IL4I1: variants seen among roughly 807,000 people sequenced by gnomAD.
IL4I1 encodes the protein L-amino-acid oxidase.
A neutral mutation model predicts 29.7 loss-of-function variants in IL4I1; 24 were observed. That is an observed-to-expected ratio of 0.81 (90% CI 0.59 to 1.14). The LOEUF (loss-of-function observed/expected upper bound fraction) is 1.14. IL4I1 is among the 50% of genes most tolerant of loss of function. The probability of loss-of-function intolerance (pLI) is 0.00; values close to 1 mark genes in which losing one functional copy is unlikely to be tolerated. For synonymous variants in IL4I1, 371 were observed against 352.5 expected (o/e 1.05, Z -0.59); for missense variants, 686 against 785.6 (o/e 0.87, Z 1.52).
At chr19:49,899,167 T>C (rs543461495), upstream of IL4I1, among the ~76,000 whole-genome samples, 1 of 152,292 alleles carries the variant, frequency 6.6e-6, no homozygotes, top group Non-Finnish European at 1.5e-5. Context: ...GCCCAATAGC[T>C]TGTTCAGTCC....
rs528795017 is a variant in IL4I1 at position 49,895,151 on chromosome 19, G to T, written c.282C>A (p.Ile94=). 3.1e-6 allele frequency: 5 copies of T among 1,613,812 alleles called. No individual in the cohort carries two copies. In the Admixed American group the frequency reaches 6.7e-5, roughly 22 times the overall value. ...CCCGGTAGGTGAAGATGCGGCCCCC[G>T]ATCCTGTTATCTGCCTCCAGGATGG... ...KVTILEADNR[I]GGRIFTYRDQ... The change falls in exon 4 of 8, where the codon ATC becomes ATA. Residue 94 remains isoleucine, a synonymous_variant. Transcript: ENST00000391826.
chr19:49,903,830 GTTTT>G lies in IL4I1; in HGVS notation c.-105+365_-105+368del, dbSNP rs113175852. On this transcript the variant is annotated intron_variant, in intron 3 of 9. Transcript: ENST00000341114. ...CATATTATACTGTTATATGTGCTGG[GTTTT>G]TTTTTTTTTTTTTTTTTTTTTTGAG... Among the ~76,000 whole-genome samples the G allele has an allele frequency of 1.2e-4, 8 of 66,508 alleles. No homozygotes were observed. The South Asian group carries it at 2.1e-3, about 17-fold the overall frequency. 43.6% of individuals were successfully genotyped at this position (66,508 alleles called of 152,430 possible).
At chr19:49,908,115 G>C (rs2075363979) in intron 2 of IL4I1, 2 of 1,511,506 alleles carry the variant, frequency 1.3e-6, no homozygotes, top group Non-Finnish European at 1.8e-6. Flanking sequence ...TCATGTCAAG[G>C]GCAGTCATGT....
At chr19:49,906,114 C>A (rs2075319332) in intron 2 of IL4I1, among the ~76,000 whole-genome samples, 2 of 152,132 alleles carry the variant, frequency 1.3e-5, no homozygotes, top group South Asian at 4.1e-4. Context: ...GAGCATTGGG[C>A]CCGTGTCTTT....
At position 49,889,891 on chromosome 19, in the gene IL4I1, T is replaced by G; in HGVS notation, c.1483A>C (p.Lys495Gln). 6.2e-7 allele frequency: 1 copy of G among 1,607,646 alleles called. No homozygotes were observed. The highest frequency in any genetic ancestry group is 8.5e-7 in the Non-Finnish European group (1 of 1,176,798). ...TTGATGGCGGCGCGCAGCGCCGACTTGACCGCCGTCTCCACCCAGCCGTGC... is the reference window on the plus strand; with the variant it reads ...TTGATGGCGGCGCGCAGCGCCGACTGGACCGCCGTCTCCACCCAGCCGTGC... The part of the protein sequence containing the change: ...YPHGWVETAV[K>Q]SALRAAIKIN... Residue 495 changes from lysine (K) to glutamine (Q), a missense_variant, in exon 8 of 8, where the codon AAG (lysine) becomes CAG (glutamine). By Grantham distance (53) the Lys-to-Gln change is moderately conservative. Coordinates refer to ENST00000391826, the MANE Select transcript of IL4I1 (RefSeq NM_152899.2).
chr19:49,920,420 T>C lies in IL4I1; in HGVS notation c.-228+7274A>G, dbSNP rs191674929. Among the ~76,000 whole-genome samples, 405 of 152,302 alleles carry C rather than the reference T, an allele frequency of 2.7e-3. 1 individual carries two copies. Among genetic ancestry groups the C allele is most frequent in the African/African-American group, 9.4e-3 (390 of 41,560 alleles). ...TAGCGTGATGAAAATGTTCTAAAAT[T>C]GACTGTGGTGATGGCTGCACAACTC... On this transcript the variant is annotated intron_variant, in intron 2 of 9. Transcript: ENST00000341114.
chr19:49,903,330 G>A (rs929417947), intron 3 of IL4I1, among the ~76,000 whole-genome samples: 4 of 152,172 alleles, frequency 2.6e-5, no homozygotes, highest in Non-Finnish European at 4.4e-5. Flanking sequence ...AACCTTTGGC[G>A]TCTGAGAGGG....
chr19:49,926,599 A>G (rs968534207), intron 2 of IL4I1, among the ~76,000 whole-genome samples: 2 of 152,208 alleles, frequency 1.3e-5, no homozygotes, highest in African/African-American at 2.4e-5. Flanking sequence ...GTAGGAAAAG[A>G]TTCTACCGGC....
At position 49,891,455 on chromosome 19, in the gene IL4I1, C is replaced by T; in HGVS notation, c.586G>A (p.Ala196Thr). ...TTCATCGCCTTTCTGCAGCCCAGTG[C>T]CTTGAGGTCTTTGAGGGCCTGTTGT... ...ALNQALKDLK[A>T]LGCRKAMKKF... is the part of the protein sequence containing the mutation. Residue 196 changes from alanine (A) to threonine (T), a missense_variant, in exon 6 of 8, where the codon GCA becomes ACA. Physicochemically the swap from Ala to Thr is moderately conservative, Grantham distance 58 (BLOSUM62 0). Transcript: ENST00000391826. The T allele has an allele frequency of 1.2e-6, 2 of 1,614,140 alleles. No homozygotes were observed. The highest frequency in any genetic ancestry group is 1.7e-6 in the Non-Finnish European group (2 of 1,180,004).
chr19:49,927,865 C>G (rs1234638552), intron 1 of IL4I1: 2 of 152,292 alleles, frequency 1.3e-5, no homozygotes, highest in African/African-American at 4.8e-5. Flanking sequence ...GAGGAGGGCC[C>G]AGTGCATGAG....
chr19:49,908,335 G>A (rs754407712), intron 2 of IL4I1: 3 of 1,614,148 alleles, frequency 1.9e-6, no homozygotes, highest in South Asian at 1.1e-5. Flanking sequence ...GCAGGGCCGA[G>A]TTCTGGTCGA....
At chr19:49,908,443 G>C (rs1568697899) in intron 2 of IL4I1, 1 of 1,614,140 alleles carries the variant, frequency 6.2e-7, no homozygotes, top group Non-Finnish European at 8.5e-7. Flanking sequence ...TCAGGTGCTC[G>C]ATGATGTCCT....
chr19:49,890,082 A>C lies in IL4I1; in HGVS notation c.1292T>G (p.Val431Gly). Residue 431 changes from valine (V) to glycine (G), a missense_variant, in exon 8 of 8, where the codon GTG becomes GGG. Coordinates refer to ENST00000391826, the MANE Select transcript of IL4I1 (RefSeq NM_152899.2). ...DDVAALHGPV[V>G]RQLWDGTGVV... ...GCCGGTGCCGTCCCAGAGCTGGCGC[A>C]CGACAGGCCCGTGCAATGCCGCCAC... 6.5e-7 allele frequency: 1 copy of C among 1,547,518 alleles called. No individual in the cohort carries two copies. Among genetic ancestry groups the C allele is most frequent in the Non-Finnish European group, 8.7e-7 (1 of 1,146,522 alleles).
rs373616117 is a variant in IL4I1 at position 49,890,547 on chromosome 19, G to C, written c.827C>G (p.Ser276Trp). The C allele has an allele frequency of 1.3e-6, 2 of 1,599,890 alleles. No individual in the cohort carries two copies. The highest frequency in any genetic ancestry group is 8.5e-7 in the Non-Finnish European group (1 of 1,175,198). The change falls in exon 8 of 8, where the codon TCG (serine) becomes TGG (tryptophan). Residue 276 changes from serine to tryptophan, a missense_variant. By Grantham distance (177) the Ser-to-Trp change is radical. Coordinates refer to ENST00000391826, the MANE Select transcript of IL4I1 (RefSeq NM_152899.2). ...WDLLPRALLSSLSGLVLLNAP... is the reference protein window; with the variant it reads ...WDLLPRALLSWLSGLVLLNAP... The stretch of plus-strand genomic sequence containing the variant: ...GTTCAACAGCACAAGCCCGGACAGC[G>C]AGCTCAGCAGCGCGCGCGGCAGCAG...
rs749775396 is a variant in IL4I1, at chr19:49,890,961, C to T, written c.773+10G>A. 38 of 1,462,916 alleles carry T rather than the reference C, an allele frequency of 2.6e-5. No homozygotes were observed. Among genetic ancestry groups the T allele is most frequent in the Non-Finnish European group, 3.5e-5 (38 of 1,094,506 alleles). 90.6% of individuals were successfully genotyped at this position (1,462,916 alleles called of 1,614,324 possible). ...GCCCCCCCCCCCTGCCCGCCAGCCC[C>T]GCCCCTTACTGGAGTCTGTCGCTGA... On this transcript the variant is annotated intron_variant, in intron 7 of 7. Transcript: ENST00000391826.
intron 2 of IL4I1, among the ~76,000 whole-genome samples, chr19:49,912,519 C>T (rs1034754565): frequency 1.3e-5 from 2 of 152,112 alleles, no homozygotes; most frequent in African/African-American, 4.8e-5. Context: ...ACTCAGGTGC[C>T]AGGGATCTAT....
chr19:49,923,198 G>A (rs749002672), intron 2 of IL4I1, among the ~76,000 whole-genome samples: 27 of 152,196 alleles, frequency 1.8e-4, no homozygotes, highest in Non-Finnish European at 3.2e-4. Context: ...CAGCCCCCGC[G>A]TCATCCTCTC....
At chr19:49,920,088 A>G (rs1343634840) in intron 2 of IL4I1, among the ~76,000 whole-genome samples, 3 of 151,136 alleles carry the variant, frequency 2.0e-5, no homozygotes, top group Non-Finnish European at 4.4e-5. Flanking sequence ...CACACCAGCT[A>G]ATTTTTTTTT....
Position 49,890,170 on chromosome 19 carries a change from CCGACCA to C in IL4I1, c.1198_1203del (p.Trp400_Ser401del). On this transcript the variant is annotated inframe_deletion, in exon 8 of 8. Coordinates refer to ENST00000391826, the MANE Select transcript of IL4I1 (RefSeq NM_152899.2). ...AAGCCGGCGAACGCTGCCGCCGCGTCCGACCACGTGTACGAGGCCAGCAGCAGCGCG... is the reference window on the plus strand; with the variant it reads ...AAGCCGGCGAACGCTGCCGCCGCGTCCGTGTACGAGGCCAGCAGCAGCGCG... 3.2e-6 allele frequency: 5 copies of C among 1,542,766 alleles called. No individual in the cohort carries two copies. Among genetic ancestry groups the C allele is most frequent in the Non-Finnish European group, 4.4e-6 (5 of 1,143,146 alleles).
Sources: allele counts gnomAD v4.1 joint callset (sites outside exome capture counted in the v4.1 genomes callset), GRCh38; gene constraint gnomAD v4.1.1; transcripts MANE v1.5; gene names NCBI Gene and HGNC (gene_info 2026-07-23, HGNC 2026-07-21).